TBC1D4: variants seen among roughly 807,000 people sequenced by gnomAD.
The protein encoded by TBC1D4 is TBC (Tre-2, BUB2, CDC16) domain-containing protein.
Under a neutral mutation model 142.5 loss-of-function variants are expected in TBC1D4, and 121 were observed. The ratio of observed to expected loss-of-function variants is 0.85; its 90% CI spans 0.73 to 0.99. The LOEUF is 0.99. Ranked by LOEUF, TBC1D4 falls within the 50% of genes least tolerant of loss-of-function variation. TBC1D4 has a pLI of 0.00. For missense variants in TBC1D4, 1,475 were observed against 1,606.6 expected (o/e 0.92, Z 1.40); for synonymous variants, 630 against 628.2 (o/e 1.00, Z -0.04).
chr13:75,319,419 A>G (rs748158144), intron 12 of TBC1D4, among the ~76,000 whole-genome samples: 1 of 152,190 alleles, frequency 6.6e-6, no homozygotes, highest in Non-Finnish European at 1.5e-5. Flanking sequence ...CACCACAAAA[A>G]AAGCATGTGA....
intron 1 of TBC1D4, among the ~76,000 whole-genome samples, chr13:75,456,918 C>T (rs942583457): frequency 6.6e-6 from 1 of 151,820 alleles, no homozygotes; most frequent in Admixed American, 6.6e-5. Flanking sequence ...AAATGGAGAA[C>T]TAAATTGCAG....
chr13:75,385,685 G>A (rs7332744), intron 1 of TBC1D4, among the ~76,000 whole-genome samples: 149,991 of 152,326 alleles, frequency 0.98, 73,890 homozygotes, highest in East Asian at 1. Context: ...GCACTTACGT[G>A]CTGGGCACTG....
Position 75,327,742 on chromosome 13 carries a change from A to C in TBC1D4, c.1806+10T>G. 6.2e-7 allele frequency: 1 copy of C among 1,613,904 alleles called. No homozygotes were observed. The highest frequency in any genetic ancestry group is 1.1e-5 in the South Asian group (1 of 91,076). The stretch of plus-strand genomic sequence containing the variant: ...GTTGCAATTAGTGTAAACAAGCTCT[A>C]GTTAGATACCTTCTCTGAAGCAAGA... On this transcript the variant is annotated intron_variant, in intron 9 of 20. Coordinates refer to ENST00000377636, the MANE Select transcript of TBC1D4 (RefSeq NM_014832.5).
chr13:75,339,392 C>T (rs1486355528), intron 7 of TBC1D4, among the ~76,000 whole-genome samples: 1 of 152,068 alleles, frequency 6.6e-6, no homozygotes, highest in African/African-American at 2.4e-5. Flanking sequence ...TCTTCTCACT[C>T]CCTTACTTGA....
intron 1 of TBC1D4, among the ~76,000 whole-genome samples, chr13:75,396,015 C>A (rs953577267): frequency 6.6e-6 from 1 of 152,104 alleles, no homozygotes; most frequent in Non-Finnish European, 1.5e-5. Context: ...TCAACAAAGT[C>A]CCTCGTTTTT....
chr13:75,380,037 C>T (rs1377581630), intron 1 of TBC1D4, among the ~76,000 whole-genome samples: 7 of 151,234 alleles, frequency 4.6e-5, no homozygotes, highest in Non-Finnish European at 4.4e-5. Context: ...TCCGAAGTGT[C>T]CCAGTTAACC....
chr13:75,469,577 C>A (rs1266677679), intron 1 of TBC1D4, among the ~76,000 whole-genome samples: 1 of 152,030 alleles, frequency 6.6e-6, no homozygotes, highest in Non-Finnish European at 1.5e-5. Flanking sequence ...TTGAGACCAG[C>A]CTGGGAAACA....
At chr13:75,334,140 T>A (rs1216931747) in intron 8 of TBC1D4, among the ~76,000 whole-genome samples, 1 of 152,210 alleles carries the variant, frequency 6.6e-6, no homozygotes, top group Non-Finnish European at 1.5e-5. Flanking sequence ...TTCAATATAT[T>A]CATTTATTTT....
At chr13:75,375,305 C>T (rs1811911) in intron 1 of TBC1D4, among the ~76,000 whole-genome samples, 4,273 of 152,310 alleles carry the variant, frequency 0.028, 164 homozygotes, top group African/African-American at 0.081. Context: ...TTCGTCTCCT[C>T]CAATTCTGGG....
At chr13:75,472,106 C>A (rs1566515260) in intron 1 of TBC1D4, among the ~76,000 whole-genome samples, 3 of 121,928 alleles carry the variant, frequency 2.5e-5, no homozygotes, top group African/African-American at 7.1e-5. Flanking sequence ...GACTCTGTCT[C>A]AAAAAAAAAA....
intron 15 of TBC1D4, 198 bp from the exon 16 acceptor site, chr13:75,302,599 C>T: frequency 1.6e-6 from 1 of 626,976 alleles, no homozygotes; most frequent in Non-Finnish European, 2.8e-6. Flanking sequence ...AAAAGAAAAC[C>T]CTCACGCAAC....
chr13:75,349,453 T>C, intron 4 of TBC1D4, 151 bp from the exon 5 acceptor site: 1 of 1,063,486 alleles, frequency 9.4e-7, no homozygotes, highest in Non-Finnish European at 1.4e-6. Context: ...AAATACTAAG[T>C]CTTGGAGTTA....
intron 1 of TBC1D4, among the ~76,000 whole-genome samples, chr13:75,395,330 A>G (rs918499868): frequency 6.6e-5 from 10 of 152,246 alleles, no homozygotes; most frequent in African/African-American, 2.4e-4. Flanking sequence ...TACAAGACTC[A>G]GTTCAAACTA....
intron 10 of TBC1D4, 120 bp from the exon 11 acceptor site, chr13:75,324,521 A>G: frequency 8.4e-7 from 1 of 1,189,346 alleles, no homozygotes; most frequent in Non-Finnish European, 1.2e-6. Flanking sequence ...TTCAAGGCTC[A>G]GGGCTGGATC....
intron 1 of TBC1D4, among the ~76,000 whole-genome samples, chr13:75,388,100 C>T (rs1428372385): frequency 1.3e-5 from 2 of 152,158 alleles, no homozygotes; most frequent in Non-Finnish European, 2.9e-5. Flanking sequence ...CCGGCAATAG[C>T]GGGTTGAGTC....
In TBC1D4 at chr13:75,284,198, A is replaced by G. The variant is rs1422856094; in HGVS notation, c.*2594T>C. Among the ~76,000 whole-genome samples, 1 of 152,162 alleles carries G rather than the reference A, an allele frequency of 6.6e-6. No homozygotes were observed. Among genetic ancestry groups the G allele is most frequent in the East Asian group, 1.9e-4 (1 of 5,200 alleles). ...ACCAGGGACTGGTTTCATGGAAGAC[A>G]ATCTTTCCACAGACTGGTGGCAGGG... On this transcript the variant is annotated 3_prime_UTR_variant, in exon 21 of 21. Transcript: ENST00000377636.
chr13:75,334,323 T>A (rs1358267628), intron 8 of TBC1D4, among the ~76,000 whole-genome samples: 10 of 152,110 alleles, frequency 6.6e-5, no homozygotes, highest in Non-Finnish European at 1.5e-4. Context: ...ACCAAGATGT[T>A]CTGGGATCAT....
chr13:75,320,415 G>C (rs186517566), intron 11 of TBC1D4, among the ~76,000 whole-genome samples: 247 of 152,006 alleles, frequency 1.6e-3, no homozygotes, highest in Non-Finnish European at 2.9e-3. Context: ...AAATATGTCT[G>C]TGATAATATT....
At chr13:75,321,651 A>G (rs562261402) in intron 11 of TBC1D4, among the ~76,000 whole-genome samples, 1 of 152,142 alleles carries the variant, frequency 6.6e-6, no homozygotes, top group Non-Finnish European at 1.5e-5. Flanking sequence ...GTTCAGATAA[A>G]CCTATTAAGA....
Sources: gnomAD v4.1 joint callset for allele counts (sites outside exome capture counted in the v4.1 genomes callset) on GRCh38, gnomAD v4.1.1 for gene constraint, MANE v1.5 for transcripts, NCBI Gene and HGNC (gene_info 2026-07-23, HGNC 2026-07-21) for gene names.